Variants in GAPVD1 observed in about 807,000 individuals in gnomAD.
GAPVD1 encodes GTPase activating protein and VPS9 domains 1.
Under a neutral mutation model 155.5 loss-of-function variants are expected in GAPVD1, and 35 were observed. That is an observed-to-expected ratio of 0.23 (90% CI 0.17 to 0.30). The LOEUF is 0.30. GAPVD1 is among the 10% of genes least tolerant of loss of function. The pLI is 1.00. For synonymous variants in GAPVD1, 636 were observed against 619.7 expected, an observed-to-expected ratio of 1.03 and a Z score of -0.39; for missense variants, 1,429 against 1,775.7, an observed-to-expected ratio of 0.80 and a Z score of 3.51.
Position 125,302,680 on chromosome 9 carries a change from G to C in GAPVD1, c.883G>C (p.Asp295His). ...SQMYKTLSCV[D>H]RLEVGEVRAM... ...GATGTACAAAACCCTCTCCTGTGTA[G>C]ATAGGCTGGAAGTTGGGGAGGTCAG... The change falls in exon 5 of 28, where the codon GAT becomes CAT. Residue 295 changes from aspartate (D) to histidine (H), a missense_variant. Asp to His is a moderately conservative substitution (Grantham distance 81). Coordinates refer to ENST00000297933, the MANE Select transcript of GAPVD1 (RefSeq NM_001282680.3). 2 of 1,614,058 alleles carry C rather than the reference G, an allele frequency of 1.2e-6. No individual in the cohort carries two copies. Among genetic ancestry groups the C allele is most frequent in the East Asian group, 2.2e-5 (1 of 44,870 alleles).
At chr9:125,269,282 A>G (rs926667226) in intron 2 of GAPVD1, among the ~76,000 whole-genome samples, 1 of 151,874 alleles carries the variant, frequency 6.6e-6, no homozygotes, top group Non-Finnish European at 1.5e-5. Flanking sequence ...TAATTTTCAA[A>G]TGTTTAGTTG....
intron 23 of GAPVD1, among the ~76,000 whole-genome samples, 184 bp downstream of exon 23, chr9:125,351,056 A>G (rs984583246): frequency 4.6e-5 from 7 of 152,194 alleles, no homozygotes; most frequent in South Asian, 4.1e-4. Context: ...AGACTAGCCA[A>G]TTTACCAAAG....
At chr9:125,296,646 G>C (rs1839926694) in intron 3 of GAPVD1, among the ~76,000 whole-genome samples, 2 of 133,158 alleles carry the variant, frequency 1.5e-5, no homozygotes, top group Non-Finnish European at 3.1e-5. Flanking sequence ...GAGCCACTGT[G>C]CCTGGCCTTT....
chr9:125,320,767 A>G lies in GAPVD1; in HGVS notation c.1603-666A>G, dbSNP rs550771996. 2.1e-4 allele frequency among the ~76,000 whole-genome samples: 32 copies of G among 152,060 alleles called. No individual in the cohort carries two copies. The East Asian group carries it at 6.0e-3, about 28-fold the overall frequency. ...CAGCCTCCCGAGTAGCTGGGACTAC[A>G]GGCACCCACCACCAAGCCCGGCTAA... On this transcript the variant is annotated intron_variant, in intron 9 of 27. Coordinates refer to ENST00000297933, the MANE Select transcript of GAPVD1 (RefSeq NM_001282680.3).
At position 125,284,773 on chromosome 9, in the gene GAPVD1, A is replaced by G. The variant is rs545830526; in HGVS notation, c.-149-10685A>G. Among the ~76,000 whole-genome samples, 7 of 152,290 alleles carry G rather than the reference A, an allele frequency of 4.6e-5. No homozygotes were observed. In the South Asian group the frequency reaches 1.0e-3, roughly 23 times the overall value. On this transcript the variant is annotated intron_variant, in intron 2 of 27. Coordinates refer to ENST00000297933, the MANE Select transcript of GAPVD1 (RefSeq NM_001282680.3). ...TCTCCTAAGCTATATGGCATAGCCT[A>G]TTTTCTTCTGGGCTACAAACCTGTA...
At chr9:125,278,767 C>G (rs1836228785) in intron 2 of GAPVD1, among the ~76,000 whole-genome samples, 1 of 147,908 alleles carries the variant, frequency 6.8e-6, no homozygotes, top group African/African-American at 2.5e-5. Context: ...CTTGGGACAT[C>G]AAGGCTGCAG....
intron 2 of GAPVD1, among the ~76,000 whole-genome samples, chr9:125,278,890 G>A (rs1836254251): frequency 6.6e-6 from 1 of 151,554 alleles, no homozygotes; most frequent in Non-Finnish European, 1.5e-5. Context: ...AAAATGCAAG[G>A]GATAACATTA....
intron 5 of GAPVD1, among the ~76,000 whole-genome samples, chr9:125,304,210 C>T (rs1421459630): frequency 6.6e-6 from 1 of 152,066 alleles, no homozygotes; most frequent in Non-Finnish European, 1.5e-5. Context: ...AGGTGTGTAC[C>T]AGCACACCTC....
chr9:125,330,389 A>G (rs1169627157), intron 13 of GAPVD1, among the ~76,000 whole-genome samples, 171 bp downstream of exon 13: 2 of 151,200 alleles, frequency 1.3e-5, no homozygotes, highest in African/African-American at 4.9e-5. Flanking sequence ...CGCGATCCCA[A>G]CTTACTGCAA....
chr9:125,303,716 CGAT>C (rs1232082560), intron 5 of GAPVD1, among the ~76,000 whole-genome samples: 1 of 147,432 alleles, frequency 6.8e-6, no homozygotes, highest in Non-Finnish European at 1.5e-5. Context: ...ACAGAGGTTG[CGAT>C]GAGCTGAGAT....
chr9:125,359,750 G>A (rs1302642681), intron 26 of GAPVD1: 2 of 413,408 alleles, frequency 4.8e-6, no homozygotes, highest in East Asian at 4.2e-5. Context: ...GCTCTCAGGG[G>A]CAGTACCTCT....
At chr9:125,335,444 G>A (rs750337923) in intron 15 of GAPVD1, among the ~76,000 whole-genome samples, 4 of 152,016 alleles carry the variant, frequency 2.6e-5, no homozygotes, top group South Asian at 2.1e-4. Flanking sequence ...TTGGGAGGCC[G>A]AGGCAGGCGG....
At chr9:125,335,244 T>C (rs1386622678) in intron 15 of GAPVD1, 1 of 763,286 alleles carries the variant, frequency 1.3e-6, no homozygotes, top group Non-Finnish European at 2.4e-6. Flanking sequence ...AGAATCCAGC[T>C]GTCTTCTAGT....
chr9:125,310,006 T>C, intron 8 of GAPVD1: 1 of 458,356 alleles, frequency 2.2e-6, no homozygotes, highest in Non-Finnish European at 4.5e-6. Context: ...AGTAACCCCG[T>C]TTGGTGGGTA....
chr9:125,301,268 C>T (rs1227388453), intron 4 of GAPVD1, among the ~76,000 whole-genome samples: 1 of 152,066 alleles, frequency 6.6e-6, no homozygotes, highest in African/African-American at 2.4e-5. Context: ...TGGGGTTTCA[C>T]CATATTTTCC....
At chr9:125,347,982 A>C (rs1297384944) in intron 20 of GAPVD1, among the ~76,000 whole-genome samples, 6 of 152,156 alleles carry the variant, frequency 3.9e-5, no homozygotes, top group Admixed American at 3.9e-4. Context: ...TAGACTTATC[A>C]ATTCTTGACA....
At chr9:125,262,959 ACTT>A (rs1833178628) in intron 1 of GAPVD1, among the ~76,000 whole-genome samples, 2 of 150,462 alleles carry the variant, frequency 1.3e-5, no homozygotes, top group South Asian at 4.2e-4. Flanking sequence ...TATGGTTAAC[ACTT>A]CTTTGAATTT....
At chr9:125,282,113 T>C (rs929254094) in intron 2 of GAPVD1, among the ~76,000 whole-genome samples, 1 of 152,084 alleles carries the variant, frequency 6.6e-6, no homozygotes, top group Non-Finnish European at 1.5e-5. Context: ...ACCCCGTCTC[T>C]ACCAAAAATA....
chr9:125,316,533 C>A (rs1843447298), intron 9 of GAPVD1, among the ~76,000 whole-genome samples: 1 of 152,092 alleles, frequency 6.6e-6, no homozygotes, highest in South Asian at 2.1e-4. Context: ...TGCTGCAAAC[C>A]ACTATGGCAC....
Sources: allele counts gnomAD v4.1 joint callset (sites outside exome capture counted in the v4.1 genomes callset), GRCh38; gene constraint gnomAD v4.1.1; transcripts MANE v1.5; gene names NCBI Gene and HGNC (gene_info 2026-07-23, HGNC 2026-07-21).